WDSUB1: variants seen among roughly 807,000 people sequenced by gnomAD.
The protein encoded by WDSUB1 is WD repeat, sterile alpha motif and U-box domain containing 1.
Under a neutral mutation model 53.9 loss-of-function variants are expected in WDSUB1, and 49 were observed. That is an observed-to-expected ratio of 0.91 (90% CI 0.72 to 1.15). The LOEUF is 1.15. Among genes scored for constraint, WDSUB1 ranks in the 50% most tolerant of loss-of-function variants. The pLI, the probability that WDSUB1 is intolerant of heterozygous loss-of-function variation, is 0.00. For synonymous variants in WDSUB1, 194 were observed against 200.6 expected, an observed-to-expected ratio of 0.97 and a Z score of 0.28; for missense variants, 514 against 562.0, an observed-to-expected ratio of 0.91 and a Z score of 0.86.
Position 159,283,079 on chromosome 2 carries a change from T to G in WDSUB1, c.-10A>C. The stretch of plus-strand genomic sequence containing the variant: ...GAATCAGTTTCACCATGTTCTTTAT[T>G]TGAAGAAAAACAGCCTGAAATTTTT... On this transcript the variant is annotated 5_prime_UTR_variant, in exon 2 of 11. Transcript: ENST00000359774. 1 of 1,586,846 alleles carries G rather than the reference T, an allele frequency of 6.3e-7. No homozygotes were observed. Among genetic ancestry groups the G allele is most frequent in the Non-Finnish European group, 8.6e-7 (1 of 1,164,240 alleles).
chr2:159,276,714 C>G (rs1185462987), intron 3 of WDSUB1, among the ~76,000 whole-genome samples: 1 of 152,148 alleles, frequency 6.6e-6, no homozygotes, highest in African/African-American at 2.4e-5. Flanking sequence ...CACTCATATG[C>G]AGTAAAGCAC....
intron 10 of WDSUB1, among the ~76,000 whole-genome samples, chr2:159,246,921 T>A (rs750163419): frequency 2.7e-4 from 41 of 152,188 alleles, no homozygotes; most frequent in Admixed American, 2.4e-3. Context: ...ATCTGCCTCA[T>A]GGATGAAACT....
At chr2:159,268,220 G>T (rs142070176) in intron 5 of WDSUB1, among the ~76,000 whole-genome samples, 90 of 152,290 alleles carry the variant, frequency 5.9e-4, no homozygotes, top group Non-Finnish European at 1.0e-3. Context: ...GAAAAGAGGG[G>T]ATTTAAAATG....
At chr2:159,257,678 G>A in intron 8 of WDSUB1, 80 bp downstream of exon 8, 1 of 1,284,212 alleles carries the variant, frequency 7.8e-7, no homozygotes, top group Non-Finnish European at 1.1e-6. Context: ...GTGAGCCGCG[G>A]TGCCCAGCCC....
chr2:159,278,672 G>A (rs1035358399), intron 3 of WDSUB1, among the ~76,000 whole-genome samples: 12 of 152,100 alleles, frequency 7.9e-5, no homozygotes, highest in Admixed American at 7.2e-4. Flanking sequence ...TAAAACCCTT[G>A]GAAAAATCTT....
In WDSUB1 at chr2:159,271,753, G is replaced by C; in HGVS notation, c.719C>G (p.Ala240Gly). 1 of 1,614,154 alleles carries C rather than the reference G, an allele frequency of 6.2e-7. No homozygotes were observed. The highest frequency in any genetic ancestry group is 8.5e-7 in the Non-Finnish European group (1 of 1,180,012). Residue 240 changes from alanine to glycine, a missense_variant, in exon 5 of 11, where the codon GCT becomes GGT. Physicochemically the swap from Ala to Gly is moderately conservative, Grantham distance 60. Transcript: ENST00000359774. Reference protein sequence around the residue: ...KYKSTLSGHCAPVLACAFSHD... With the variant: ...KYKSTLSGHCGPVLACAFSHD... Reference sequence around the variant, plus strand: ...GGAAAAAGCACAAGCCAGAACAGGAGCACAGTGCCCACTCAGTGTACTTTT... The same window carrying C: ...GGAAAAAGCACAAGCCAGAACAGGACCACAGTGCCCACTCAGTGTACTTTT...
chr2:159,284,448 G>A (rs1382022793), intron 1 of WDSUB1, among the ~76,000 whole-genome samples: 1 of 152,040 alleles, frequency 6.6e-6, no homozygotes, highest in Non-Finnish European at 1.5e-5. Context: ...TGGAGCCAAG[G>A]CTATCTGCTC....
chr2:159,259,766 A>G, intron 6 of WDSUB1, 44 bp downstream of exon 6: 1 of 1,490,958 alleles, frequency 6.7e-7, no homozygotes, highest in Non-Finnish European at 9.1e-7. Context: ...GTAGTCTAAT[A>G]AACATAACTT....
At chr2:159,267,302 CTTT>C (rs34190249) in intron 5 of WDSUB1, among the ~76,000 whole-genome samples, 1 of 145,816 alleles carries the variant, frequency 6.9e-6, no homozygotes, top group African/African-American at 2.6e-5. Flanking sequence ...TTTTTTCTTT[CTTT>C]TTTTTTTTTT....
At chr2:159,282,543 T>C (rs1575501727) in intron 2 of WDSUB1, 129 bp downstream of exon 2, 1 of 1,085,790 alleles carries the variant, frequency 9.2e-7, no homozygotes, top group Middle Eastern at 3.1e-4. Context: ...CTTCCTAGGG[T>C]CATCAAAATA....
At chr2:159,242,214 C>G (rs2060671872) in intron 10 of WDSUB1, among the ~76,000 whole-genome samples, 1 of 146,642 alleles carries the variant, frequency 6.8e-6, no homozygotes, top group Non-Finnish European at 1.5e-5. Context: ...CCACACCCAG[C>G]TAATTTTTTT....
intron 5 of WDSUB1, among the ~76,000 whole-genome samples, chr2:159,268,408 TATAA>T (rs774077154): frequency 6.6e-6 from 1 of 152,250 alleles, no homozygotes; most frequent in Non-Finnish European, 1.5e-5. Context: ...AGACAATTAC[TATAA>T]ATACTTTTTG....
intron 2 of WDSUB1, among the ~76,000 whole-genome samples, chr2:159,280,842 AAATAAGCTGTTAAAAACCCAAC>A (rs1266241457): frequency 1.3e-5 from 2 of 152,124 alleles, no homozygotes; most frequent in Non-Finnish European, 2.9e-5. Flanking sequence ...CAATTAGGAA[AAATAAGCTGTTAAAAACCCAAC>A]AATTAACACA....
At position 159,247,910 on chromosome 2, in the gene WDSUB1, A is replaced by ATATAAATATATATAT. The variant is rs2060846247; in HGVS notation, c.1273+461_1273+462insATATATATATTTATA. ...AAATATATATATATATATATATATAAATATATATATATATATAAATATATA... is the reference window on the plus strand; with the variant it reads ...AAATATATATATATATATATATATAATATAAATATATATATATATATATATATATATAAATATATA... On this transcript the variant is annotated intron_variant, in intron 10 of 10. Transcript: ENST00000359774. 5.9e-3 allele frequency among the ~76,000 whole-genome samples: 104 copies of ATATAAATATATATAT among 17,632 alleles called. 2 individuals are homozygous for ATATAAATATATATAT. Among genetic ancestry groups the ATATAAATATATATAT allele is most frequent in the Non-Finnish European group, 0.011 (84 of 7,474 alleles). The allele number at this position is 17,632 out of a possible 152,430, so 11.6% of individuals were successfully genotyped here.
At chr2:159,260,939 T>C (rs187952416) in intron 5 of WDSUB1, among the ~76,000 whole-genome samples, 1 of 152,326 alleles carries the variant, frequency 6.6e-6, no homozygotes, top group Admixed American at 6.5e-5. Flanking sequence ...AATTCCTTGT[T>C]CAGTAGACCC....
chr2:159,261,003 A>G (rs2061176707), intron 5 of WDSUB1, among the ~76,000 whole-genome samples: 1 of 152,262 alleles, frequency 6.6e-6, no homozygotes, highest in Admixed American at 6.5e-5. Context: ...AGTTCAAAAT[A>G]GAAATTATAC....
intron 5 of WDSUB1, among the ~76,000 whole-genome samples, chr2:159,264,564 C>G (rs1384218582): frequency 6.6e-6 from 1 of 152,194 alleles, no homozygotes; most frequent in Non-Finnish European, 1.5e-5. Context: ...CCTCTTTCCT[C>G]CCTCTCATGC....
rs2061478983 is a variant in WDSUB1 at position 159,273,330 on chromosome 2, A to C, written c.677-1535T>G. Among the ~76,000 whole-genome samples, 3 of 152,238 alleles carry C rather than the reference A, an allele frequency of 2.0e-5. No homozygotes were observed. The South Asian group carries it at 6.2e-4, about 31-fold the overall frequency. ...TACAACAATAATAGGTTATGTCCTC[A>C]AGTATAAGACCCATATGTCTCTCTA... On this transcript the variant is annotated intron_variant, in intron 4 of 10. Transcript: ENST00000359774.
At chr2:159,255,646 G>A (rs2061047326) in intron 9 of WDSUB1, among the ~76,000 whole-genome samples, 2 of 152,060 alleles carry the variant, frequency 1.3e-5, no homozygotes, top group South Asian at 4.1e-4. Flanking sequence ...TGTTTACTAT[G>A]TAAGGAAAGT....
Sources: allele counts gnomAD v4.1 joint callset (sites outside exome capture counted in the v4.1 genomes callset), GRCh38; gene constraint gnomAD v4.1.1; transcripts MANE v1.5; gene names NCBI Gene and HGNC (gene_info 2026-07-23, HGNC 2026-07-21).